BBS9: variants seen among roughly 807,000 people sequenced by gnomAD.
The protein encoded by BBS9 is protein PTHB1.
Under a neutral mutation model 117.7 loss-of-function variants are expected in BBS9, and 89 were observed. The ratio of observed to expected loss-of-function variants is 0.76; its 90% CI spans 0.64 to 0.90. The LOEUF (loss-of-function observed/expected upper bound fraction) is 0.90, where lower values mean the gene tolerates loss of function less well. Ranked by LOEUF, BBS9 falls within the 40% of genes least tolerant of loss-of-function variation. BBS9 has a pLI of 0.00. For missense variants in BBS9, 982 were observed against 1,042.2 expected (o/e 0.94, Z 0.80); for synonymous variants, 379 against 370.9 (o/e 1.02, Z -0.25).
At chr7:33,281,288 T>G (rs1801837563) in intron 9 of BBS9, among the ~76,000 whole-genome samples, 1 of 151,754 alleles carries the variant, frequency 6.6e-6, no homozygotes. Flanking sequence ...CCATTTAATT[T>G]TTTTTGTTTG....
intron 5 of BBS9, among the ~76,000 whole-genome samples, chr7:33,204,695 G>C (rs1379841583): frequency 6.6e-6 from 1 of 152,066 alleles, no homozygotes; most frequent in African/African-American, 2.4e-5. Context: ...TAATATTTCA[G>C]CCATATTCCC....
chr7:33,625,024 A>G (rs952840525), intron 21 of BBS9, among the ~76,000 whole-genome samples: 2 of 152,170 alleles, frequency 1.3e-5, no homozygotes, highest in African/African-American at 4.8e-5. Flanking sequence ...ATTGACACCA[A>G]CCAATGATGT....
chr7:33,187,539 T>A (rs1030258774), intron 5 of BBS9, among the ~76,000 whole-genome samples: 2 of 152,224 alleles, frequency 1.3e-5, no homozygotes, highest in Admixed American at 1.3e-4. Flanking sequence ...CGTCTGTCCA[T>A]CCCCTCATCC....
intron 5 of BBS9, among the ~76,000 whole-genome samples, chr7:33,181,148 A>T (rs1337392756): frequency 6.6e-6 from 1 of 152,192 alleles, no homozygotes; most frequent in Admixed American, 6.5e-5. Context: ...TTGTACCAGC[A>T]TGCCGATGCC....
chr7:33,191,388 C>T (rs115602563), intron 5 of BBS9, among the ~76,000 whole-genome samples: 1 of 152,218 alleles, frequency 6.6e-6, no homozygotes, highest in East Asian at 1.9e-4. Context: ...AAGGGGTCAC[C>T]TTTAACCTGG....
At chr7:33,191,201 T>C (rs925405007) in intron 5 of BBS9, among the ~76,000 whole-genome samples, 4 of 152,170 alleles carry the variant, frequency 2.6e-5, no homozygotes, top group Non-Finnish European at 4.4e-5. Flanking sequence ...GGGTTTGTTT[T>C]ACCTGTAGCT....
intron 16 of BBS9, among the ~76,000 whole-genome samples, chr7:33,360,575 C>T (rs991638733): frequency 8.9e-5 from 13 of 145,712 alleles, no homozygotes; most frequent in South Asian, 4.3e-4. Flanking sequence ...GGTTGGAGTG[C>T]GGTGGCACAA....
At chr7:33,293,966 G>A (rs1298708327) in intron 9 of BBS9, among the ~76,000 whole-genome samples, 6 of 152,066 alleles carry the variant, frequency 3.9e-5, no homozygotes, top group Non-Finnish European at 7.4e-5. Context: ...TCTCAGTGGA[G>A]CACAAGTTAT....
At chr7:33,272,069 A>C (rs962528797) in intron 7 of BBS9, among the ~76,000 whole-genome samples, 1 of 152,184 alleles carries the variant, frequency 6.6e-6, no homozygotes, top group African/African-American at 2.4e-5. Context: ...CATAAAAAAG[A>C]ATGAGATTAT....
At chr7:33,166,334 AGTCT>A (rs1795678072) in intron 4 of BBS9, among the ~76,000 whole-genome samples, 1 of 152,228 alleles carries the variant, frequency 6.6e-6, no homozygotes, top group African/African-American at 2.4e-5. Context: ...TTGAGGAGGC[AGTCT>A]GTCTGTTCTC....
chr7:33,280,671 T>C, intron 9 of BBS9, among the ~76,000 whole-genome samples: 1 of 152,010 alleles, frequency 6.6e-6, no homozygotes, highest in East Asian at 1.9e-4. Flanking sequence ...GATGAACATA[T>C]GATATATGCT....
At chr7:33,418,898 A>G (rs1198895376) in intron 19 of BBS9, among the ~76,000 whole-genome samples, 3 of 152,220 alleles carry the variant, frequency 2.0e-5, no homozygotes, top group Non-Finnish European at 4.4e-5. Flanking sequence ...CAATGTGTCC[A>G]TTTACTACAG....
At chr7:33,584,388 A>T (rs932214039) in intron 21 of BBS9, among the ~76,000 whole-genome samples, 1 of 151,990 alleles carries the variant, frequency 6.6e-6, no homozygotes, top group African/African-American at 2.4e-5. Context: ...GATAGCTAAG[A>T]TCCTCATTTT....
chr7:33,240,468 A>C (rs1049824463), intron 5 of BBS9, among the ~76,000 whole-genome samples: 17 of 152,014 alleles, frequency 1.1e-4, no homozygotes, highest in African/African-American at 4.1e-4. Context: ...GTTTCCCAGG[A>C]TGGCCTTGAA....
At chr7:33,625,650 A>G (rs1401896561) in intron 21 of BBS9, among the ~76,000 whole-genome samples, 1 of 152,198 alleles carries the variant, frequency 6.6e-6, no homozygotes, top group Non-Finnish European at 1.5e-5. Context: ...TAATTAATAC[A>G]TTAATTTCAG....
At position 33,566,036 on chromosome 7, in the gene BBS9, A is replaced by G. The variant is rs538805219; in HGVS notation, c.2521+31860A>G. Reference sequence around the variant, plus strand: ...GTGGTCTGCGGATAACATCTGGACCAGTTTTATCTACAAATGTCTATTTAA... The same window carrying G: ...GTGGTCTGCGGATAACATCTGGACCGGTTTTATCTACAAATGTCTATTTAA... On this transcript the variant is annotated intron_variant, in intron 21 of 22. Coordinates refer to ENST00000242067, the MANE Select transcript of BBS9 (RefSeq NM_198428.3). Among the ~76,000 whole-genome samples, 55 of 151,096 alleles carry G rather than the reference A, an allele frequency of 3.6e-4. 2 individuals are homozygous for G. In the South Asian group the frequency reaches 0.011, roughly 31 times the overall value.
intron 19 of BBS9, among the ~76,000 whole-genome samples, chr7:33,496,841 G>A (rs755803805): frequency 6.6e-6 from 1 of 152,132 alleles, no homozygotes; most frequent in Non-Finnish European, 1.5e-5. Context: ...TCTCCATGCC[G>A]TTTCTTTTTC....
At chr7:33,219,322 G>C (rs560582231) in intron 5 of BBS9, among the ~76,000 whole-genome samples, 1 of 152,340 alleles carries the variant, frequency 6.6e-6, no homozygotes, top group South Asian at 2.1e-4. Flanking sequence ...CTCCACCGCG[G>C]CCGGTCCCAT....
In BBS9 at chr7:33,340,923, G is replaced by A. The variant is rs773503585; in HGVS notation, c.1225G>A (p.Asp409Asn). Residue 409 changes from aspartate (D) to asparagine (N), a missense_variant, in exon 11 of 23, where the codon GAT becomes AAT. Asp to Asn is a conservative substitution (Grantham distance 23, BLOSUM62 1). Coordinates refer to ENST00000242067, the MANE Select transcript of BBS9 (RefSeq NM_198428.3). Reference protein sequence around the residue: ...QGVWPMTEREDDLNVSVVVSP... With the variant: ...QGVWPMTERENDLNVSVVVSP... ...TGTTTGGCCCATGACTGAGAGAGAA[G>A]ATGACTTGAACGTTTCTGTCGTGGT... is the stretch of plus-strand genomic sequence containing the variant. 6.2e-7 allele frequency: 1 copy of A among 1,612,636 alleles called. No homozygotes were observed. The highest frequency in any genetic ancestry group is 1.7e-5 in the Admixed American group (1 of 59,988).
Sources: gnomAD v4.1 joint callset for allele counts (sites outside exome capture counted in the v4.1 genomes callset) on GRCh38, gnomAD v4.1.1 for gene constraint, MANE v1.5 for transcripts, NCBI Gene and HGNC (gene_info 2026-07-23, HGNC 2026-07-21) for gene names.